Variants in NRXN3 observed in about 807,000 individuals in gnomAD.
The protein encoded by NRXN3 is neurexin III.
Under a neutral mutation model 137.6 loss-of-function variants are expected in NRXN3, and 32 were observed. The ratio of observed to expected loss-of-function variants is 0.23; its 90% confidence interval spans 0.18 to 0.31. The LOEUF is 0.31. Among genes scored for constraint, NRXN3 ranks in the 10% least tolerant of loss-of-function variants. The pLI is 1.00. For missense variants in NRXN3, 1,574 were observed against 2,062.5 expected (o/e 0.76, Z 4.59); for synonymous variants, 798 against 784.5 (o/e 1.02, Z -0.29).
chr14:78,974,883 T>C (rs2099458782), intron 14 of NRXN3, among the ~76,000 whole-genome samples: 2 of 152,226 alleles, frequency 1.3e-5, no homozygotes, highest in Admixed American at 1.3e-4. Flanking sequence ...ATGAGGCAGT[T>C]GGAAGCCTAG....
At chr14:79,664,225 G>T (rs1367893938) in intron 17 of NRXN3, among the ~76,000 whole-genome samples, 2 of 152,108 alleles carry the variant, frequency 1.3e-5, no homozygotes, top group African/African-American at 4.8e-5. Context: ...GGTAGATTTT[G>T]CAGGGCCTGT....
At chr14:78,342,446 A>G (rs214007) in intron 4 of NRXN3, among the ~76,000 whole-genome samples, 116,332 of 152,082 alleles carry the variant, frequency 0.76, 47,217 homozygotes, top group Non-Finnish European at 0.9. Flanking sequence ...AGATGGTGAT[A>G]GTAATAATAA....
At chr14:79,561,663 T>A (rs1206393625) in intron 16 of NRXN3, among the ~76,000 whole-genome samples, 1 of 152,164 alleles carries the variant, frequency 6.6e-6, no homozygotes, top group African/African-American at 2.4e-5. Flanking sequence ...TTACATCTGC[T>A]ATTGACTGAT....
At chr14:79,136,587 C>CAAAT (rs148449147) in intron 15 of NRXN3, among the ~76,000 whole-genome samples, 2,766 of 152,270 alleles carry the variant, frequency 0.018, 79 homozygotes, top group African/African-American at 0.063. Flanking sequence ...CAGTGAATCA[C>CAAAT]AAATTCATTA....
intron 15 of NRXN3, among the ~76,000 whole-genome samples, chr14:79,144,378 G>A (rs1430177608): frequency 1.3e-5 from 2 of 152,078 alleles, no homozygotes; most frequent in East Asian, 1.9e-4. Context: ...CAAAAAACTC[G>A]GATGCATGTC....
intron 14 of NRXN3, among the ~76,000 whole-genome samples, chr14:78,977,625 C>T: frequency 6.6e-6 from 1 of 152,172 alleles, no homozygotes; most frequent in East Asian, 1.9e-4. Context: ...ACCAGCCATC[C>T]TCTCACTCTT....
intron 16 of NRXN3, among the ~76,000 whole-genome samples, chr14:79,519,577 A>G (rs377721834): frequency 9.9e-5 from 15 of 151,978 alleles, no homozygotes; most frequent in East Asian, 3.9e-4. Context: ...CCTGTTTCCC[A>G]TAGATTATAG....
chr14:78,674,638 G>C (rs2097980412), intron 6 of NRXN3, among the ~76,000 whole-genome samples: 1 of 152,160 alleles, frequency 6.6e-6, no homozygotes, highest in African/African-American at 2.4e-5. Context: ...AGTGTGGTAG[G>C]TGAAAGTTCC....
At chr14:79,010,507 G>A (rs1217245376) in intron 15 of NRXN3, among the ~76,000 whole-genome samples, 1 of 152,158 alleles carries the variant, frequency 6.6e-6, no homozygotes, top group African/African-American at 2.4e-5. Flanking sequence ...AATATATCAG[G>A]TGACTAAAGA....
At chr14:78,532,232 A>G (rs1323212813) in intron 4 of NRXN3, among the ~76,000 whole-genome samples, 1 of 151,724 alleles carries the variant, frequency 6.6e-6, no homozygotes, top group Non-Finnish European at 1.5e-5. Flanking sequence ...GAGGCAGGAG[A>G]ATCACTTGAA....
chr14:78,443,339 C>T (rs1373231369), intron 4 of NRXN3, among the ~76,000 whole-genome samples: 1 of 152,186 alleles, frequency 6.6e-6, no homozygotes, highest in African/African-American at 2.4e-5. Context: ...TGGGGAACCT[C>T]TGTGCTTGCA....
At chr14:79,585,699 A>AC (rs1286805318) in intron 16 of NRXN3, among the ~76,000 whole-genome samples, 1 of 151,232 alleles carries the variant, frequency 6.6e-6, no homozygotes, top group African/African-American at 2.4e-5. Context: ...AAAAACAAAA[A>AC]AAAAAAAAAC....
At chr14:78,391,925 A>G (rs1405717404) in intron 4 of NRXN3, among the ~76,000 whole-genome samples, 1 of 152,108 alleles carries the variant, frequency 6.6e-6, no homozygotes, top group Non-Finnish European at 1.5e-5. Flanking sequence ...TGGTTCTTCC[A>G]GCCTCAAGAT....
chr14:78,633,267 A>AAAAAAAAAAAAAAAAGAG (rs1376443966), intron 4 of NRXN3, among the ~76,000 whole-genome samples: 3 of 150,062 alleles, frequency 2.0e-5, no homozygotes, highest in African/African-American at 7.5e-5. Flanking sequence ...AAAAAAAAAA[A>AAAAAAAAAAAAAAAAGAG]AGAGACTGGT....
At chr14:78,402,706 T>C (rs771213746) in intron 4 of NRXN3, among the ~76,000 whole-genome samples, 24 of 152,200 alleles carry the variant, frequency 1.6e-4, no homozygotes, top group Non-Finnish European at 3.1e-4. Context: ...CTCTTAACCA[T>C]GTGACTTTGG....
At chr14:78,980,890 C>A (rs1278423430) in intron 14 of NRXN3, among the ~76,000 whole-genome samples, 6 of 152,190 alleles carry the variant, frequency 3.9e-5, no homozygotes, top group Non-Finnish European at 7.3e-5. Flanking sequence ...GGATATGTGA[C>A]TATTTTCGTG....
intron 17 of NRXN3, among the ~76,000 whole-genome samples, chr14:79,666,173 T>A (rs2098556334): frequency 6.6e-6 from 1 of 152,170 alleles, no homozygotes; most frequent in Non-Finnish European, 1.5e-5. Flanking sequence ...TCTGTAATGC[T>A]TTCAAAATAT....
chr14:78,260,168 T>A (rs1414294473), intron 2 of NRXN3, among the ~76,000 whole-genome samples: 1 of 152,230 alleles, frequency 6.6e-6, no homozygotes, highest in Non-Finnish European at 1.5e-5. Flanking sequence ...TGCAGCTTAA[T>A]TAACCAAGCA....
At chr14:79,473,335 C>T (rs1032432869) in intron 16 of NRXN3, among the ~76,000 whole-genome samples, 2 of 152,076 alleles carry the variant, frequency 1.3e-5, no homozygotes, top group Non-Finnish European at 1.5e-5. Flanking sequence ...TAGCACCCAA[C>T]GAGAGTCCTG....
Sources: allele counts gnomAD v4.1 joint callset (sites outside exome capture counted in the v4.1 genomes callset), GRCh38; gene constraint gnomAD v4.1.1; transcripts MANE v1.5; gene names NCBI Gene and HGNC (gene_info 2026-07-23, HGNC 2026-07-21).